GTF2IRD1: variants seen among roughly 807,000 people sequenced by gnomAD.
The protein encoded by GTF2IRD1 is general transcription factor II-I repeat domain-containing protein 1.
In GTF2IRD1, 26 loss-of-function variants were observed where a neutral mutation model predicts 113.2. The observed-to-expected ratio is 0.23, with a 90% confidence interval of 0.17 to 0.32. The LOEUF (loss-of-function observed/expected upper bound fraction) is 0.32. Ranked by LOEUF, GTF2IRD1 falls within the 10% of genes least tolerant of loss-of-function variation. GTF2IRD1 has a pLI of 1.00. For synonymous variants in GTF2IRD1, 484 were observed against 529.1 expected, an observed-to-expected ratio of 0.91 and a Z score of 1.17; for missense variants, 864 against 1,280.8, an observed-to-expected ratio of 0.67 and a Z score of 4.97.
In GTF2IRD1 at chr7:74,529,731, C is replaced by T. The variant is rs1554348221; in HGVS notation, c.1091-3C>T. On this transcript the variant is annotated splice_polypyrimidine_tract_variant and splice_region_variant and intron_variant, in intron 8 of 26. Transcript: ENST00000424337. ...CAGCCTTGCTGTTTGGTTGTCTTTC[C>T]AGCGGAAGCCCTGGGCCTGGACCAC... 2 of 1,613,636 alleles carry T rather than the reference C, an allele frequency of 1.2e-6. No individual in the cohort carries two copies. Among genetic ancestry groups the T allele is most frequent in the African/African-American group, 1.3e-5 (1 of 74,908 alleles).
At chr7:74,520,584 A>G (rs1797224998) in intron 6 of GTF2IRD1, among the ~76,000 whole-genome samples, 1 of 151,952 alleles carries the variant, frequency 6.6e-6, no homozygotes, top group East Asian at 1.9e-4. Flanking sequence ...GGGACCCGGT[A>G]GTCTTTTTGG....
chr7:74,549,761 T>C (rs7812250), intron 17 of GTF2IRD1, among the ~76,000 whole-genome samples: 44,689 of 151,542 alleles, frequency 0.29, 8,575 homozygotes, highest in African/African-American at 0.55. Flanking sequence ...TAAGGCCGGG[T>C]GCGGTGGCTC....
intron 20 of GTF2IRD1, among the ~76,000 whole-genome samples, chr7:74,558,563 G>T (rs587610338): frequency 6.6e-6 from 1 of 151,862 alleles, no homozygotes; most frequent in East Asian, 1.9e-4. Flanking sequence ...ACAGGGTCTT[G>T]CTGTGTTGCC....
chr7:74,548,025 C>T (rs587741022), intron 17 of GTF2IRD1, among the ~76,000 whole-genome samples: 56 of 152,264 alleles, frequency 3.7e-4, no homozygotes, highest in Middle Eastern at 6.8e-3. Context: ...GCAGTGGCTT[C>T]TACAGGCTGT....
intron 8 of GTF2IRD1, among the ~76,000 whole-genome samples, chr7:74,528,980 TGGATGGATAGAC>T (rs1367560275): frequency 2.1e-5 from 3 of 142,272 alleles, no homozygotes; most frequent in Non-Finnish European, 4.7e-5. Context: ...GATGGATGGA[TGGATGGATAGAC>T]GGATGGATGG....
intron 22 of GTF2IRD1, among the ~76,000 whole-genome samples, chr7:74,570,922 C>T (rs79757505): frequency 0.14 from 20,822 of 152,224 alleles, 1,596 homozygotes; most frequent in South Asian, 0.24. Context: ...GCCCCGCCAC[C>T]AGCTCCCCAC....
intron 2 of GTF2IRD1, among the ~76,000 whole-genome samples, chr7:74,511,765 A>C (rs1796646922): frequency 6.6e-6 from 1 of 152,152 alleles, no homozygotes; most frequent in Non-Finnish European, 1.5e-5. Context: ...ACTCAGATGA[A>C]AACCAGCATT....
intron 1 of GTF2IRD1, among the ~76,000 whole-genome samples, chr7:74,482,365 C>T (rs1321278385): frequency 1.3e-5 from 2 of 150,720 alleles, no homozygotes; most frequent in African/African-American, 2.4e-5. Context: ...GTAGCTGGGA[C>T]GACAGGCATG....
chr7:74,456,100 T>C (rs1255729425), intron 1 of GTF2IRD1, among the ~76,000 whole-genome samples: 1 of 152,210 alleles, frequency 6.6e-6, no homozygotes, highest in Non-Finnish European at 1.5e-5. Flanking sequence ...GCTAGCCTTC[T>C]GATGAGGTGG....
At chr7:74,475,713 T>C (rs1343637151) in intron 1 of GTF2IRD1, among the ~76,000 whole-genome samples, 1 of 152,156 alleles carries the variant, frequency 6.6e-6, no homozygotes, top group East Asian at 1.9e-4. Flanking sequence ...GTGGAAGTAA[T>C]GCAGGTGTTC....
At chr7:74,556,678 C>T (rs1799616323) in intron 19 of GTF2IRD1, among the ~76,000 whole-genome samples, 1 of 141,744 alleles carries the variant, frequency 7.1e-6, no homozygotes, top group South Asian at 2.3e-4. Context: ...GGCTGGAGTG[C>T]AGTGGTGCGA....
In GTF2IRD1 at chr7:74,524,110, A is replaced by G. The variant is rs1554346667; in HGVS notation, c.1046A>G (p.Asn349Ser). Residue 349 changes from asparagine (N) to serine (S), a missense_variant, in exon 8 of 27, where the codon AAC becomes AGC. By Grantham distance (46) the Asn-to-Ser change is conservative. Around this residue, in one of 7 missense-constraint regions of GTF2IRD1, gnomAD observed 218 missense variants for 352.6 expected, o/e 0.62. Transcript: ENST00000424337. The part of the protein sequence containing the change: ...DAFIKETEDI[N>S]TLRECVQILF... ...TTCATAAAGGAAACCGAGGACATCAACACGCTCCGGGAGTGTGTGCAGATC... is the reference window on the plus strand; with the variant it reads ...TTCATAAAGGAAACCGAGGACATCAGCACGCTCCGGGAGTGTGTGCAGATC... 6.2e-7 allele frequency: 1 copy of G among 1,613,108 alleles called. No homozygotes were observed. Among genetic ancestry groups the G allele is most frequent in the East Asian group, 2.2e-5 (1 of 44,862 alleles).
At chr7:74,505,841 G>T (rs1214817100) in intron 1 of GTF2IRD1, among the ~76,000 whole-genome samples, 1 of 152,206 alleles carries the variant, frequency 6.6e-6, no homozygotes, top group African/African-American at 2.4e-5. Flanking sequence ...AACATCCCCA[G>T]CCGTGGCCAC....
intron 1 of GTF2IRD1, among the ~76,000 whole-genome samples, chr7:74,474,069 CAA>C (rs782128880): frequency 4.6e-5 from 4 of 87,538 alleles, no homozygotes; most frequent in East Asian, 2.6e-4. Context: ...ACTAAAAATA[CAA>C]AAAAAAAAAA....
intron 1 of GTF2IRD1, among the ~76,000 whole-genome samples, chr7:74,454,444 C>T (rs1392660280): frequency 1.3e-5 from 2 of 151,982 alleles, no homozygotes; most frequent in Non-Finnish European, 2.9e-5. Flanking sequence ...CCCTCCTTGC[C>T]ACCGGCTCTT....
chr7:74,476,649 A>G (rs1298341092), intron 1 of GTF2IRD1, among the ~76,000 whole-genome samples: 1 of 151,134 alleles, frequency 6.6e-6, no homozygotes, highest in Non-Finnish European at 1.5e-5. Context: ...TCCCCACCGT[A>G]CTCTCCTGCC....
intron 1 of GTF2IRD1, among the ~76,000 whole-genome samples, chr7:74,471,813 G>A (rs1332314620): frequency 6.6e-6 from 1 of 151,380 alleles, no homozygotes; most frequent in Non-Finnish European, 1.5e-5. Context: ...CCAATGTGGT[G>A]AAACTCTGTC....
At chr7:74,535,655 G>A (rs1042931898) in intron 10 of GTF2IRD1, among the ~76,000 whole-genome samples, 19 of 152,144 alleles carry the variant, frequency 1.2e-4, no homozygotes, top group African/African-American at 4.1e-4. Flanking sequence ...AAAGCATCAC[G>A]GTTCTTGGGG....
chr7:74,602,591 GAA>G lies in GTF2IRD1; in HGVS notation c.*171_*172del, dbSNP rs56797334. The G allele has an allele frequency of 0.11, 40,242 of 365,334 alleles. 707 individuals are homozygous for G. Among genetic ancestry groups the G allele is most frequent in the East Asian group, 0.26 (5,871 of 22,496 alleles). 22.6% of individuals were successfully genotyped at this position (365,334 alleles called of 1,614,324 possible). On this transcript the variant is annotated 3_prime_UTR_variant, in exon 27 of 27. Coordinates refer to ENST00000424337, the MANE Select transcript of GTF2IRD1 (RefSeq NM_005685.4). ...AGGCCTTTTTAAATAAGTAAAAAAAGAAAAAAAAAAAAAAGAGTGTTGCCTTT... is the reference window on the plus strand; with the variant it reads ...AGGCCTTTTTAAATAAGTAAAAAAAGAAAAAAAAAAAAGAGTGTTGCCTTT...
Sources: gnomAD v4.1 joint callset for allele counts (sites outside exome capture counted in the v4.1 genomes callset) on GRCh38, gnomAD v4.1.1 for gene constraint, gnomAD v4.1.1 regional missense constraint, MANE v1.5 for transcripts, NCBI Gene and HGNC (gene_info 2026-07-23, HGNC 2026-07-21) for gene names.